Variants in KCNIP4 observed in about 807,000 individuals in gnomAD.
The protein encoded by KCNIP4 is Kv channel-interacting protein 4.
KCNIP4 carries 12 observed loss-of-function variants against 34.0 expected under a neutral mutation model. That is an observed-to-expected ratio of 0.35 (90% confidence interval 0.23 to 0.57). KCNIP4 has a LOEUF of 0.57. Among genes scored for constraint, KCNIP4 ranks in the 20% least tolerant of loss-of-function variants. KCNIP4 has a pLI of 0.83. For missense variants in KCNIP4, 238 were observed against 311.7 expected, an observed-to-expected ratio of 0.76 and a Z score of 1.78; for synonymous variants, 124 against 102.2, an observed-to-expected ratio of 1.21 and a Z score of -1.29.
intron 1 of KCNIP4, among the ~76,000 whole-genome samples, chr4:21,102,356 G>T (rs1360690570): frequency 1.3e-5 from 2 of 152,144 alleles, no homozygotes; most frequent in African/African-American, 2.4e-5. Context: ...AAATATCCAT[G>T]AGCTATATAA....
chr4:21,207,307 T>C (rs555678740), intron 1 of KCNIP4, among the ~76,000 whole-genome samples: 36 of 152,294 alleles, frequency 2.4e-4, no homozygotes, highest in Middle Eastern at 3.4e-3. Context: ...TTGGAATGCA[T>C]CTTACAACAA....
chr4:20,779,936 A>C (rs1756721493), intron 3 of KCNIP4, among the ~76,000 whole-genome samples: 1 of 152,152 alleles, frequency 6.6e-6, no homozygotes, highest in Non-Finnish European at 1.5e-5. Context: ...TTAATTTCAG[A>C]CTTTCGACCT....
At chr4:21,113,454 TTAAAA>T (rs1749409268) in intron 1 of KCNIP4, among the ~76,000 whole-genome samples, 2 of 55,662 alleles carry the variant, frequency 3.6e-5, no homozygotes, top group Admixed American at 2.1e-4. Context: ...ATCTATAAGT[TTAAAA>T]AAAAAAAAAA....
chr4:21,852,575 A>T (rs1221269338), intron 1 of KCNIP4: 1 of 152,192 alleles, frequency 6.6e-6, no homozygotes. Flanking sequence ...CAGTAAACAT[A>T]AGCTTAAATG....
chr4:21,053,590 T>G (rs1045239538), intron 1 of KCNIP4, among the ~76,000 whole-genome samples: 2 of 152,184 alleles, frequency 1.3e-5, no homozygotes, highest in African/African-American at 4.8e-5. Flanking sequence ...TGTTCTCAGA[T>G]GACATGGTCA....
intron 3 of KCNIP4, among the ~76,000 whole-genome samples, chr4:20,817,728 G>A (rs895548794): frequency 1.4e-5 from 2 of 147,152 alleles, no homozygotes; most frequent in South Asian, 2.1e-4. Context: ...CTGAGTGACT[G>A]AATAAATATA....
intron 1 of KCNIP4, among the ~76,000 whole-genome samples, chr4:21,308,043 T>C (rs372075788): frequency 9.2e-5 from 14 of 152,340 alleles, no homozygotes; most frequent in African/African-American, 2.9e-4. Context: ...ATAAGTAAAG[T>C]TACTTAACTA....
chr4:21,268,975 T>C (rs1211468859), intron 1 of KCNIP4, among the ~76,000 whole-genome samples: 3 of 152,188 alleles, frequency 2.0e-5, no homozygotes, highest in African/African-American at 4.8e-5. Flanking sequence ...GTCTTAATTA[T>C]AAACCTACAA....
At chr4:20,929,406 A>G (rs1730217716) in intron 1 of KCNIP4, among the ~76,000 whole-genome samples, 1 of 152,058 alleles carries the variant, frequency 6.6e-6, no homozygotes, top group South Asian at 2.1e-4. Context: ...AAGGTGATTT[A>G]TGAAAAATCC....
chr4:21,036,951 C>T (rs1741502629), intron 1 of KCNIP4, among the ~76,000 whole-genome samples: 1 of 151,982 alleles, frequency 6.6e-6, no homozygotes, highest in Admixed American at 6.6e-5. Flanking sequence ...ATGATCTTGG[C>T]CCTGGGGTAG....
At chr4:21,834,610 C>A (rs1288380481) in intron 1 of KCNIP4, among the ~76,000 whole-genome samples, 1 of 152,070 alleles carries the variant, frequency 6.6e-6, no homozygotes, top group Non-Finnish European at 1.5e-5. Flanking sequence ...ATTGCCCTGG[C>A]CAGAACTTCC....
intron 1 of KCNIP4, among the ~76,000 whole-genome samples, chr4:21,250,098 G>A (rs1047479462): frequency 6.8e-6 from 1 of 148,110 alleles, no homozygotes; most frequent in African/African-American, 2.6e-5. Flanking sequence ...TGTTCAGAAA[G>A]GGAGGAGGAT....
At position 21,770,000 on chromosome 4, in the gene KCNIP4, T is replaced by C. The variant is rs988906048; in HGVS notation, c.61+178571A>G. ...ACCAGAAGGTTGTCTTTTTCTTATT[T>C]ATTTCTTCTAAAAAAAAAGAAAGAT... On this transcript the variant is annotated intron_variant, in intron 1 of 8. Coordinates refer to ENST00000382152, the MANE Select transcript of KCNIP4 (RefSeq NM_025221.6). Among the ~76,000 whole-genome samples the C allele has an allele frequency of 9.6e-5, 13 of 135,032 alleles. No individual in the cohort carries two copies. In the South Asian group the frequency reaches 2.7e-3, roughly 28 times the overall value. 88.6% of individuals were successfully genotyped at this position (135,032 alleles called of 152,430 possible).
At chr4:21,065,942 T>C (rs1469071500) in intron 1 of KCNIP4, among the ~76,000 whole-genome samples, 4 of 151,874 alleles carry the variant, frequency 2.6e-5, no homozygotes, top group Non-Finnish European at 4.4e-5. Context: ...TACTACCTAC[T>C]TACCAAGATA....
intron 1 of KCNIP4, among the ~76,000 whole-genome samples, chr4:21,390,761 G>C (rs1485870694): frequency 6.6e-6 from 1 of 152,074 alleles, no homozygotes; most frequent in Non-Finnish European, 1.5e-5. Flanking sequence ...TGTTCTTTTG[G>C]CTTAGGATTG....
intron 1 of KCNIP4, among the ~76,000 whole-genome samples, chr4:21,658,019 G>A (rs1577776047): frequency 1.3e-5 from 2 of 151,730 alleles, no homozygotes; most frequent in Admixed American, 1.3e-4. Context: ...TTTGTATTTT[G>A]AGTAGAGACG....
chr4:20,949,929 A>G (rs1200586869), intron 1 of KCNIP4, among the ~76,000 whole-genome samples: 1 of 150,756 alleles, frequency 6.6e-6, no homozygotes, highest in Non-Finnish European at 1.5e-5. Context: ...TAGTGGGTGC[A>G]GCGCACCAGC....
intron 1 of KCNIP4, among the ~76,000 whole-genome samples, chr4:21,811,116 A>AAC (rs1721624489): frequency 6.6e-6 from 1 of 152,216 alleles, no homozygotes; most frequent in African/African-American, 2.4e-5. Flanking sequence ...CTGGCTAGAA[A>AAC]ACACATGGCA....
At chr4:21,039,208 A>C (rs1741730364) in intron 1 of KCNIP4, among the ~76,000 whole-genome samples, 1 of 152,020 alleles carries the variant, frequency 6.6e-6, no homozygotes, top group South Asian at 2.1e-4. Flanking sequence ...AAAAATACAA[A>C]AAAATTAGCT....
Sources: allele counts gnomAD v4.1 joint callset (sites outside exome capture counted in the v4.1 genomes callset), GRCh38; gene constraint gnomAD v4.1.1; transcripts MANE v1.5; gene names NCBI Gene and HGNC (gene_info 2026-07-23, HGNC 2026-07-21).